The following ARL15 variants were observed in gnomAD, a reference collection of about 807,000 sequenced individuals.
ARL15 encodes the protein ARF like GTPase 15, also known as ADP-ribosylation factor-like protein 15.
Under a neutral mutation model 25.2 loss-of-function variants are expected in ARL15, and 19 were observed. The observed-to-expected ratio is 0.75, with a 90% CI of 0.53 to 1.10. The LOEUF (loss-of-function observed/expected upper bound fraction) is 1.10, where lower values mean the gene tolerates loss of function less well. Among genes scored for constraint, ARL15 ranks in the 50% least tolerant of loss-of-function variants. The pLI is 0.00. For missense variants in ARL15, 220 were observed against 246.0 expected (o/e 0.89, Z 0.71); for synonymous variants, 94 against 86.8 (o/e 1.08, Z -0.46).
intron 4 of ARL15, among the ~76,000 whole-genome samples, chr5:54,086,431 A>G (rs1300038432): frequency 7.2e-6 from 1 of 139,392 alleles, no homozygotes; most frequent in Admixed American, 7.3e-5. Context: ...ACATTGAGAC[A>G]ATGAAAAGGC....
At chr5:53,999,012 A>T (rs1748771064) in intron 4 of ARL15, among the ~76,000 whole-genome samples, 1 of 152,224 alleles carries the variant, frequency 6.6e-6, no homozygotes, top group Non-Finnish European at 1.5e-5. Flanking sequence ...AAGCACACTC[A>T]GAGTAACATT....
Position 53,964,551 on chromosome 5 carries a change from G to A in ARL15, c.463-77838C>T, listed in dbSNP as rs950812784. ...ATTTTGTTTTGTATTTAGTAGAGAC[G>A]GGGCTTCACCGTGTTAGCCAGGATG... On this transcript the variant is annotated intron_variant, in intron 4 of 4. Coordinates refer to ENST00000504924, the MANE Select transcript of ARL15 (RefSeq NM_019087.3). Among the ~76,000 whole-genome samples the A allele has an allele frequency of 4.6e-5, 7 of 152,098 alleles. No individual in the cohort carries two copies. In the East Asian group the frequency reaches 5.8e-4, roughly 13 times the overall value.
chr5:54,085,579 A>C (rs997703522), intron 4 of ARL15, among the ~76,000 whole-genome samples: 5 of 152,200 alleles, frequency 3.3e-5, no homozygotes, highest in Non-Finnish European at 5.9e-5. Flanking sequence ...ATTTCCCCAC[A>C]AATATTTTTA....
intron 1 of ARL15, among the ~76,000 whole-genome samples, chr5:54,298,248 C>T (rs1157703217): frequency 2.6e-5 from 4 of 152,100 alleles, no homozygotes; most frequent in Non-Finnish European, 5.9e-5. Flanking sequence ...ATCTAACGGC[C>T]CACCTTCTTA....
intron 3 of ARL15, among the ~76,000 whole-genome samples, chr5:54,140,646 C>T (rs550413198): frequency 1.2e-4 from 19 of 152,244 alleles, no homozygotes; most frequent in African/African-American, 4.6e-4. Context: ...CAATCTCAAC[C>T]AGGCATTTTG....
At chr5:54,171,972 T>C (rs1214606772) in intron 1 of ARL15, 44 bp from the exon 2 acceptor site, 1 of 1,595,494 alleles carries the variant, frequency 6.3e-7, no homozygotes, top group African/African-American at 1.3e-5. Context: ...AATGACAGTA[T>C]GGAAATAAAC....
chr5:54,054,767 G>T (rs1340675243), intron 4 of ARL15, among the ~76,000 whole-genome samples: 1 of 152,080 alleles, frequency 6.6e-6, no homozygotes, highest in Non-Finnish European at 1.5e-5. Flanking sequence ...TCCAGCCTGG[G>T]TTACAGAGAG....
intron 4 of ARL15, among the ~76,000 whole-genome samples, chr5:53,988,790 T>C (rs1664793): frequency 0.63 from 95,627 of 152,004 alleles, 30,614 homozygotes; most frequent in East Asian, 0.86. Flanking sequence ...GTGCTGCCGA[T>C]AGATGAGTTC....
At chr5:54,305,856 G>T (rs35945) in intron 1 of ARL15, among the ~76,000 whole-genome samples, 36,645 of 151,936 alleles carry the variant, frequency 0.24, 4,756 homozygotes, top group African/African-American at 0.32. Context: ...GGAGGGTGGA[G>T]GCTACTATAA....
chr5:54,262,502 G>T (rs1289756784), intron 1 of ARL15, among the ~76,000 whole-genome samples: 1 of 151,932 alleles, frequency 6.6e-6, no homozygotes. Context: ...CCTAAAAAAT[G>T]GATCAAACTC....
chr5:53,953,743 T>G (rs1747051228), intron 4 of ARL15, among the ~76,000 whole-genome samples: 1 of 152,146 alleles, frequency 6.6e-6, no homozygotes, highest in Admixed American at 6.5e-5. Context: ...AACAAACATT[T>G]TCTATATTTA....
chr5:54,280,273 G>T (rs1028265338), intron 1 of ARL15, among the ~76,000 whole-genome samples: 1 of 152,076 alleles, frequency 6.6e-6, no homozygotes, highest in Non-Finnish European at 1.5e-5. Context: ...ATCCCAGCTT[G>T]GCAACTGCTT....
At chr5:53,930,108 AT>A (rs1746153660) in intron 4 of ARL15, among the ~76,000 whole-genome samples, 1 of 152,164 alleles carries the variant, frequency 6.6e-6, no homozygotes, top group Admixed American at 6.5e-5. Context: ...TCAAAGTAAA[AT>A]TTTTATACAA....
chr5:54,029,089 T>G (rs1749879741), intron 4 of ARL15, among the ~76,000 whole-genome samples: 2 of 152,212 alleles, frequency 1.3e-5, no homozygotes, highest in African/African-American at 2.4e-5. Context: ...ATAGTTGTTT[T>G]AGATTGCAGG....
intron 4 of ARL15, among the ~76,000 whole-genome samples, chr5:54,022,643 C>A (rs1749643860): frequency 6.6e-6 from 1 of 152,172 alleles, no homozygotes; most frequent in Non-Finnish European, 1.5e-5. Flanking sequence ...CACCTCCCAC[C>A]AGAAATCCCA....
In ARL15 at chr5:54,152,794, C is replaced by A. The variant is rs143619499; in HGVS notation, c.253+1786G>T. On this transcript the variant is annotated intron_variant, in intron 3 of 4. Transcript: ENST00000504924. ...TTGTAATTTCCATTTCAGCAACTGT[C>A]AGGGAACAGCTCTTTCGGCAAAATT... 3.9e-5 allele frequency among the ~76,000 whole-genome samples: 6 copies of A among 152,330 alleles called. No individual in the cohort carries two copies. In the East Asian group the frequency reaches 1.2e-3, roughly 29 times the overall value.
chr5:53,950,936 C>G (rs1237931963), intron 4 of ARL15, among the ~76,000 whole-genome samples: 1 of 152,232 alleles, frequency 6.6e-6, no homozygotes, highest in Non-Finnish European at 1.5e-5. Flanking sequence ...GGCTGGACTG[C>G]TGATCTAGCT....
chr5:54,218,163 G>A (rs1354876137), intron 1 of ARL15, among the ~76,000 whole-genome samples: 4 of 152,150 alleles, frequency 2.6e-5, no homozygotes. Context: ...CACTGTTCAA[G>A]TAACCAGAAA....
At chr5:54,196,215 A>T (rs1411098805) in intron 1 of ARL15, among the ~76,000 whole-genome samples, 1 of 152,182 alleles carries the variant, frequency 6.6e-6, no homozygotes, top group African/African-American at 2.4e-5. Flanking sequence ...TTCTCAACAT[A>T]GATGAACTTA....
Sources: allele counts gnomAD v4.1 joint callset (sites outside exome capture counted in the v4.1 genomes callset), GRCh38; gene constraint gnomAD v4.1.1; transcripts MANE v1.5; gene names NCBI Gene and HGNC (gene_info 2026-07-23, HGNC 2026-07-21).